The following TMEM131L variants were observed in gnomAD, a reference collection of about 807,000 sequenced individuals.
The protein encoded by TMEM131L is transmembrane protein 131-like.
TMEM131L carries 54 observed loss-of-function variants against 192.2 expected under a neutral mutation model. The observed-to-expected ratio is 0.28, with a 90% CI of 0.23 to 0.35. The LOEUF is 0.35. Ranked by LOEUF, TMEM131L falls within the 10% of genes least tolerant of loss-of-function variation. The pLI, the probability that TMEM131L is intolerant of heterozygous loss-of-function variation, is 1.00. For missense variants in TMEM131L, 1,888 were observed against 1,972.9 expected, an observed-to-expected ratio of 0.96 and a Z score of 0.82; for synonymous variants, 701 against 704.9, an observed-to-expected ratio of 0.99 and a Z score of 0.09.
Position 153,585,620 on chromosome 4 carries a change from A to T in TMEM131L, c.1311+9A>T. 1 of 1,571,936 alleles carries T rather than the reference A, an allele frequency of 6.4e-7. No individual in the cohort carries two copies. The highest frequency in any genetic ancestry group is 8.6e-7 in the Non-Finnish European group (1 of 1,156,210). Reference sequence around the variant, plus strand: ...CCAAGCACATGTTAAAGGTACATATAGTATTTTTTCCCCAAGTTTTAGCTT... The same window carrying T: ...CCAAGCACATGTTAAAGGTACATATTGTATTTTTTCCCCAAGTTTTAGCTT... On this transcript the variant is annotated intron_variant, in intron 13 of 34. Coordinates refer to ENST00000409959, the MANE Select transcript of TMEM131L (RefSeq NM_001131007.2).
chr4:153,601,662 T>C (rs1731847562), intron 21 of TMEM131L, among the ~76,000 whole-genome samples: 1 of 152,250 alleles, frequency 6.6e-6, no homozygotes, highest in Non-Finnish European at 1.5e-5. Flanking sequence ...AAATGTGTTC[T>C]CATAATAGTA....
intron 2 of TMEM131L, among the ~76,000 whole-genome samples, chr4:153,473,560 G>A (rs1162664783): frequency 2.6e-5 from 4 of 152,182 alleles, no homozygotes; most frequent in Non-Finnish European, 5.9e-5. Flanking sequence ...TTGGGAGGCC[G>A]AGGCGGGTGG....
chr4:153,529,212 GAGTC>G (rs1735717673), intron 3 of TMEM131L, among the ~76,000 whole-genome samples: 1 of 152,160 alleles, frequency 6.6e-6, no homozygotes. Flanking sequence ...GTTCCATAGA[GAGTC>G]AGTTGTACTT....
At chr4:153,600,387 CAAAAAT>C (rs140790429) in intron 21 of TMEM131L, among the ~76,000 whole-genome samples, 3,290 of 149,802 alleles carry the variant, frequency 0.022, 120 homozygotes, top group African/African-American at 0.075. Flanking sequence ...AAAAAAACAT[CAAAAAT>C]AAAAATAACT....
chr4:153,504,738 TG>T (rs1733872813), intron 3 of TMEM131L, among the ~76,000 whole-genome samples: 1 of 152,268 alleles, frequency 6.6e-6, no homozygotes, highest in Non-Finnish European at 1.5e-5. Context: ...TTATGAGATT[TG>T]CTTTCACAGA....
At chr4:153,632,979 T>G (rs1734317694) in intron 32 of TMEM131L, 141 bp downstream of exon 32, 2 of 908,692 alleles carry the variant, frequency 2.2e-6, no homozygotes, top group African/African-American at 1.7e-5. Flanking sequence ...CGTTTCCTTC[T>G]GCCTTTTAGA....
At chr4:153,582,433 G>C (rs28438768) in intron 9 of TMEM131L, among the ~76,000 whole-genome samples, 1 of 40,336 alleles carries the variant, frequency 2.5e-5, no homozygotes, top group African/African-American at 1.4e-4. Flanking sequence ...TTTTTTTGTT[G>C]TTTTTTTTTT....
At chr4:153,595,578 C>T (rs1297121177) in intron 19 of TMEM131L, among the ~76,000 whole-genome samples, 2 of 151,750 alleles carry the variant, frequency 1.3e-5, no homozygotes, top group Non-Finnish European at 2.9e-5. Context: ...TATATATTAG[C>T]TCTAAGAAGT....
chr4:153,548,175 G>A (rs6535926), intron 3 of TMEM131L, among the ~76,000 whole-genome samples: 69,417 of 152,138 alleles, frequency 0.46, 19,445 homozygotes, highest in African/African-American at 0.79. Flanking sequence ...CCAGTTGTAG[G>A]ATTAGTGCTG....
At chr4:153,593,355 G>A (rs1350878490) in intron 18 of TMEM131L, among the ~76,000 whole-genome samples, 3 of 152,128 alleles carry the variant, frequency 2.0e-5, no homozygotes, top group Non-Finnish European at 4.4e-5. Flanking sequence ...AGGATGTTTA[G>A]CAGCATTCCT....
chr4:153,625,409 A>G (rs1733768689), intron 29 of TMEM131L, among the ~76,000 whole-genome samples: 1 of 152,098 alleles, frequency 6.6e-6, no homozygotes, highest in African/African-American at 2.4e-5. Context: ...AAGGGGGTAC[A>G]TTAGTTAAGA....
chr4:153,467,384 G>A, intron 2 of TMEM131L, 103 bp downstream of exon 2: 3 of 998,062 alleles, frequency 3.0e-6, no homozygotes, highest in South Asian at 1.4e-5. Context: ...ACAGGCGTTC[G>A]GGCCACTTTG....
At chr4:153,500,807 GC>G (rs1580080878) in intron 3 of TMEM131L, among the ~76,000 whole-genome samples, 1 of 152,086 alleles carries the variant, frequency 6.6e-6, no homozygotes. Context: ...GCTCACACAC[GC>G]GTGCATGCAC....
chr4:153,579,012 A>G (rs1730158367), intron 7 of TMEM131L, among the ~76,000 whole-genome samples: 1 of 152,170 alleles, frequency 6.6e-6, no homozygotes, highest in African/African-American at 2.4e-5. Context: ...AATCAGTTTC[A>G]GAAAGTGGGC....
At chr4:153,626,775 A>C (rs1733875069) in intron 30 of TMEM131L, among the ~76,000 whole-genome samples, 1 of 152,202 alleles carries the variant, frequency 6.6e-6, no homozygotes, top group Non-Finnish European at 1.5e-5. Context: ...AGAAAAGAAC[A>C]CCTTATTTCT....
intron 6 of TMEM131L, among the ~76,000 whole-genome samples, chr4:153,557,612 G>C (rs1336085088): frequency 6.6e-6 from 1 of 152,046 alleles, no homozygotes; most frequent in Non-Finnish European, 1.5e-5. Context: ...TACCTTAAAT[G>C]GTACCTGATA....
At chr4:153,490,645 A>T (rs1264039544) in intron 3 of TMEM131L, among the ~76,000 whole-genome samples, 1 of 152,094 alleles carries the variant, frequency 6.6e-6, no homozygotes, top group African/African-American at 2.4e-5. Context: ...CTTGTTGGAA[A>T]CAAAAGCTTC....
At chr4:153,530,733 A>G (rs953650652) in intron 3 of TMEM131L, among the ~76,000 whole-genome samples, 5 of 152,214 alleles carry the variant, frequency 3.3e-5, no homozygotes, top group African/African-American at 9.6e-5. Context: ...GACCAGCAGC[A>G]GTGACAGAGG....
In TMEM131L at chr4:153,473,819, G is replaced by A. The variant is rs765519466; in HGVS notation, c.196-26G>A. Reference sequence around the variant, plus strand: ...AAACAAACGAACAAACAGAAACAACGGTTAACACATGTTCTTTTTCAATAG... The same window carrying A: ...AAACAAACGAACAAACAGAAACAACAGTTAACACATGTTCTTTTTCAATAG... On this transcript the variant is annotated intron_variant, in intron 2 of 34. Transcript: ENST00000409959. The A allele has an allele frequency of 7.8e-6, 12 of 1,532,068 alleles. No individual in the cohort carries two copies. In the Admixed American group the frequency reaches 1.6e-4, roughly 21 times the overall value. The allele number at this position is 1,532,068 out of a possible 1,614,324, so 94.9% of individuals were successfully genotyped here. A position where few individuals can be genotyped will look rare whatever the true frequency, so the allele number is the denominator to read the frequency against.
Sources: gnomAD v4.1 joint callset for allele counts (sites outside exome capture counted in the v4.1 genomes callset) on GRCh38, gnomAD v4.1.1 for gene constraint, MANE v1.5 for transcripts, NCBI Gene and HGNC (gene_info 2026-07-23, HGNC 2026-07-21) for gene names.